The following KCNH8 variants were observed in gnomAD, a reference collection of about 807,000 sequenced individuals.
The protein encoded by KCNH8 is voltage-gated delayed rectifier potassium channel KCNH8.
A neutral mutation model predicts 103.6 loss-of-function variants in KCNH8; 70 were observed. The observed-to-expected ratio is 0.68, with a 90% CI of 0.56 to 0.82. The LOEUF is 0.82. Among genes scored for constraint, KCNH8 ranks in the 40% least tolerant of loss-of-function variants. KCNH8 has a pLI of 0.00. For synonymous variants in KCNH8, 498 were observed against 489.4 expected (o/e 1.02, Z -0.23); for missense variants, 1,217 against 1,329.9 (o/e 0.92, Z 1.32).
intron 5 of KCNH8, among the ~76,000 whole-genome samples, chr3:19,357,623 C>T (rs1297383663): frequency 6.6e-6 from 1 of 151,868 alleles, no homozygotes; most frequent in African/African-American, 2.4e-5. Context: ...GTGATTTGCA[C>T]ATTCTTACTA....
At chr3:19,324,624 C>A (rs536339957) in intron 3 of KCNH8, among the ~76,000 whole-genome samples, 6 of 152,256 alleles carry the variant, frequency 3.9e-5, no homozygotes, top group African/African-American at 1.4e-4. Context: ...AGGAATACAG[C>A]TTGCTAGGGG....
At chr3:19,228,982 T>G (rs2063963956) in intron 1 of KCNH8, among the ~76,000 whole-genome samples, 1 of 152,252 alleles carries the variant, frequency 6.6e-6, no homozygotes, top group Non-Finnish European at 1.5e-5. Context: ...AATCAGCATC[T>G]TTTTGTAAAA....
chr3:19,355,075 T>C (rs980284098), intron 5 of KCNH8, among the ~76,000 whole-genome samples: 18 of 152,022 alleles, frequency 1.2e-4, no homozygotes, highest in Non-Finnish European at 1.9e-4. Context: ...GGGCAAAGGA[T>C]ATGAACAGAC....
At chr3:19,357,482 T>C (rs1341821209) in intron 5 of KCNH8, among the ~76,000 whole-genome samples, 21 of 136,754 alleles carry the variant, frequency 1.5e-4, no homozygotes, top group Admixed American at 1.5e-3. Flanking sequence ...ATTCTAAAAA[T>C]ACAAAAAAAA....
intron 1 of KCNH8, among the ~76,000 whole-genome samples, chr3:19,162,022 A>G (rs912481812): frequency 6.6e-6 from 1 of 152,162 alleles, no homozygotes; most frequent in African/African-American, 2.4e-5. Flanking sequence ...ACTTGTAAAC[A>G]ATCTAAGTGT....
At position 19,279,525 on chromosome 3, in the gene KCNH8, C is replaced by T. The variant is rs1306196771; in HGVS notation, c.311-1673C>T. 6.1e-5 allele frequency among the ~76,000 whole-genome samples: 9 copies of T among 148,344 alleles called. No homozygotes were observed. In the South Asian group the frequency reaches 1.9e-3, roughly 31 times the overall value. ...AGCTATTGAAATGAGATTGCCATGG[C>T]ATAGATATTGGGGCAGATGAATGAA... On this transcript the variant is annotated intron_variant, in intron 2 of 15. Coordinates refer to ENST00000328405, the MANE Select transcript of KCNH8 (RefSeq NM_144633.3).
At chr3:19,149,037 C>T (rs746497138) in intron 1 of KCNH8, among the ~76,000 whole-genome samples, 23 of 152,056 alleles carry the variant, frequency 1.5e-4, no homozygotes, top group Non-Finnish European at 3.2e-4. Context: ...GAAACGCAGC[C>T]TGAGGAAAGA....
chr3:19,394,017 G>A (rs912207147), intron 6 of KCNH8, among the ~76,000 whole-genome samples: 1 of 151,962 alleles, frequency 6.6e-6, no homozygotes, highest in African/African-American at 2.4e-5. Context: ...GGCTAGCAGA[G>A]GAAAGAATTG....
intron 7 of KCNH8, among the ~76,000 whole-genome samples, chr3:19,426,012 G>A (rs1338173844): frequency 1.3e-5 from 2 of 152,198 alleles, no homozygotes; most frequent in Non-Finnish European, 2.9e-5. Flanking sequence ...GACTTTAAAT[G>A]TGTCAGGGCT....
chr3:19,513,296 T>A lies in KCNH8; in HGVS notation c.2406T>A (p.Asn802Lys). The change falls in exon 13 of 16, where the codon AAT (asparagine) becomes AAA (lysine). Residue 802 changes from asparagine (N) to lysine (K), a missense_variant. By Grantham distance (94) the Asn-to-Lys change is moderately conservative (BLOSUM62 0). Transcript: ENST00000328405. ...KNLKLQLSTL[N>K]NAGPPDLSPR... ...TGAAATTGCAACTTTCAACTTTGAA[T>A]AATGCTGGACCCCCAGACCTCAGTC... 1.2e-6 allele frequency: 2 copies of A among 1,610,158 alleles called. No individual in the cohort carries two copies. Among genetic ancestry groups the A allele is most frequent in the Non-Finnish European group, 1.7e-6 (2 of 1,178,456 alleles).
chr3:19,250,445 A>G (rs921585398), intron 1 of KCNH8, among the ~76,000 whole-genome samples: 1 of 152,238 alleles, frequency 6.6e-6, no homozygotes, highest in Admixed American at 6.5e-5. Context: ...ATACTAAAAC[A>G]TAAGTCCCTG....
intron 2 of KCNH8, among the ~76,000 whole-genome samples, chr3:19,261,011 T>C (rs1181559223): frequency 6.7e-6 from 1 of 148,458 alleles, no homozygotes; most frequent in Non-Finnish European, 1.5e-5. Context: ...TTTATCAAAT[T>C]TTTATATTGA....
At chr3:19,365,500 G>A (rs62279488) in intron 5 of KCNH8, among the ~76,000 whole-genome samples, 7,665 of 151,828 alleles carry the variant, frequency 0.05, 254 homozygotes, top group East Asian at 0.13. Flanking sequence ...TTATATAACC[G>A]CATCTTAATT....
At chr3:19,476,176 T>A (rs2067971427) in intron 11 of KCNH8, among the ~76,000 whole-genome samples, 1 of 152,208 alleles carries the variant, frequency 6.6e-6, no homozygotes, top group African/African-American at 2.4e-5. Flanking sequence ...CCTCTTCTTC[T>A]TTTGTGGCTA....
intron 11 of KCNH8, among the ~76,000 whole-genome samples, chr3:19,507,251 A>G (rs1160044149): frequency 6.6e-6 from 1 of 152,200 alleles, no homozygotes; most frequent in Non-Finnish European, 1.5e-5. Flanking sequence ...TAGCAAGGGC[A>G]GCAGGAGCAG....
rs1305065753 is a variant in KCNH8, at chr3:19,533,758, C to A, written c.2983C>A (p.Pro995Thr). 16 of 1,614,070 alleles carry A rather than the reference C, an allele frequency of 9.9e-6. No homozygotes were observed. Among genetic ancestry groups the A allele is most frequent in the Admixed American group, 1.7e-5 (1 of 60,008 alleles). ...TCATTCTCCAAGCCTTGATTATTCA[C>A]CTTCCCACTACCAGGTTGTCCAAGA... ...LYHSPSLDYS[P>T]SHYQVVQEGH... Residue 995 changes from proline to threonine, a missense_variant, in exon 16 of 16, where the codon CCT becomes ACT. Pro to Thr is a conservative substitution (Grantham distance 38, BLOSUM62 -1). Coordinates refer to ENST00000328405, the MANE Select transcript of KCNH8 (RefSeq NM_144633.3).
chr3:19,361,046 A>G (rs2065940529), intron 5 of KCNH8, among the ~76,000 whole-genome samples: 1 of 152,100 alleles, frequency 6.6e-6, no homozygotes, highest in Non-Finnish European at 1.5e-5. Context: ...AATAGAAAAA[A>G]TGAGGAAACT....
At chr3:19,500,207 G>A (rs1181194486) in intron 11 of KCNH8, among the ~76,000 whole-genome samples, 2 of 152,142 alleles carry the variant, frequency 1.3e-5, no homozygotes, top group Non-Finnish European at 2.9e-5. Flanking sequence ...ATTACTTAAT[G>A]GTAAAGGGAT....
chr3:19,280,117 T>A (rs553325135), intron 2 of KCNH8, among the ~76,000 whole-genome samples: 1 of 152,084 alleles, frequency 6.6e-6, no homozygotes, highest in Admixed American at 6.6e-5. Context: ...CAGTGCAAGA[T>A]TTTTTTACAT....
Sources: allele counts gnomAD v4.1 joint callset (sites outside exome capture counted in the v4.1 genomes callset), GRCh38; gene constraint gnomAD v4.1.1; transcripts MANE v1.5; gene names NCBI Gene and HGNC (gene_info 2026-07-23, HGNC 2026-07-21).